Variants in GSK3B observed in about 807,000 individuals in gnomAD.
GSK3B encodes the protein glycogen synthase kinase 3 beta.
Under a neutral mutation model 56.4 loss-of-function variants are expected in GSK3B, and 15 were observed. The observed-to-expected ratio is 0.27, with a 90% CI of 0.18 to 0.41. The LOEUF is 0.41. Among genes scored for constraint, GSK3B ranks in the 10% least tolerant of loss-of-function variants. GSK3B has a pLI of 1.00. For synonymous variants in GSK3B, 181 were observed against 188.9 expected (o/e 0.96, Z 0.34); for missense variants, 300 against 513.4 (o/e 0.58, Z 4.02).
chr3:120,028,449 G>C (rs1413739576), intron 1 of GSK3B, among the ~76,000 whole-genome samples: 1 of 152,140 alleles, frequency 6.6e-6, no homozygotes, highest in Non-Finnish European at 1.5e-5. Flanking sequence ...GCCTACAAGA[G>C]ATTAAAAGGC....
chr3:119,872,787 A>G (rs1387581784), intron 8 of GSK3B, among the ~76,000 whole-genome samples: 2 of 151,980 alleles, frequency 1.3e-5, no homozygotes, highest in African/African-American at 2.4e-5. Flanking sequence ...GACACAGCAG[A>G]TAATCGCTAT....
chr3:119,897,035 A>G (rs1320303029), intron 7 of GSK3B, among the ~76,000 whole-genome samples: 1 of 152,190 alleles, frequency 6.6e-6, no homozygotes, highest in Non-Finnish European at 1.5e-5. Context: ...TTTTGAAGTG[A>G]CAATGTCATG....
chr3:120,070,692 G>A (rs1005875900), intron 1 of GSK3B, among the ~76,000 whole-genome samples: 3 of 152,190 alleles, frequency 2.0e-5, no homozygotes, highest in Non-Finnish European at 4.4e-5. Flanking sequence ...TGGAACCTGT[G>A]TTGAATAGTC....
chr3:119,829,837 A>G (rs945780956), intron 10 of GSK3B, among the ~76,000 whole-genome samples: 1 of 152,202 alleles, frequency 6.6e-6, no homozygotes, highest in Non-Finnish European at 1.5e-5. Context: ...TAATGATCTC[A>G]TATTTTTCTC....
At chr3:120,028,688 C>A (rs565793196) in intron 1 of GSK3B, 2 of 423,908 alleles carry the variant, frequency 4.7e-6, no homozygotes, top group East Asian at 1.3e-4. Flanking sequence ...AGTTCCTCCA[C>A]ACGTCTCAAA....
chr3:119,995,435 T>C (rs1008711577), intron 2 of GSK3B, among the ~76,000 whole-genome samples: 15 of 152,078 alleles, frequency 9.9e-5, no homozygotes, highest in African/African-American at 1.4e-4. Flanking sequence ...GGAAGTTCTT[T>C]ACAGTAATGG....
intron 2 of GSK3B, among the ~76,000 whole-genome samples, chr3:119,983,768 A>C (rs983344091): frequency 4.6e-5 from 7 of 152,186 alleles, no homozygotes; most frequent in African/African-American, 1.7e-4. Flanking sequence ...GGGAGACTTT[A>C]ACACCCCACT....
At chr3:120,043,266 T>C (rs1310377347) in intron 1 of GSK3B, among the ~76,000 whole-genome samples, 1 of 151,934 alleles carries the variant, frequency 6.6e-6, no homozygotes, top group African/African-American at 2.4e-5. Context: ...ACCTCCAGAG[T>C]CATGGGCCAT....
At chr3:119,834,758 C>T (rs1252537054) in intron 10 of GSK3B, among the ~76,000 whole-genome samples, 1 of 152,164 alleles carries the variant, frequency 6.6e-6, no homozygotes, top group Non-Finnish European at 1.5e-5. Context: ...GGAAAAATGT[C>T]TGATAGGGAA....
At chr3:120,021,301 C>T (rs2057874836) in intron 1 of GSK3B, among the ~76,000 whole-genome samples, 2 of 147,298 alleles carry the variant, frequency 1.4e-5, no homozygotes, top group Non-Finnish European at 3.0e-5. Flanking sequence ...ATCAGGAGTT[C>T]AAGACCAGCC....
chr3:119,847,004 G>A (rs2055864669), intron 9 of GSK3B, among the ~76,000 whole-genome samples: 1 of 152,116 alleles, frequency 6.6e-6, no homozygotes. Flanking sequence ...GGATGAAGCT[G>A]GAAACCATCA....
intron 2 of GSK3B, among the ~76,000 whole-genome samples, chr3:119,976,185 C>T (rs545368082): frequency 1.3e-5 from 2 of 152,236 alleles, no homozygotes; most frequent in Non-Finnish European, 2.9e-5. Context: ...AACTGTTAAT[C>T]ATTTAATCAC....
At chr3:119,872,510 T>C (rs143088600) in intron 8 of GSK3B, among the ~76,000 whole-genome samples, 59 of 152,268 alleles carry the variant, frequency 3.9e-4, no homozygotes, top group African/African-American at 1.0e-3. Context: ...CAGCATCACA[T>C]GTGCTTTTTA....
chr3:120,062,897 T>C (rs534518249), intron 1 of GSK3B, among the ~76,000 whole-genome samples: 6 of 152,192 alleles, frequency 3.9e-5, no homozygotes, highest in Non-Finnish European at 2.9e-5. Context: ...CCCTACTTTC[T>C]GGACTTTAGA....
intron 9 of GSK3B, among the ~76,000 whole-genome samples, chr3:119,844,366 T>TA (rs148828914): frequency 0.71 from 104,020 of 147,432 alleles, 38,156 homozygotes; most frequent in East Asian, 0.88. Flanking sequence ...AAAAAACTCT[T>TA]AAAAAAAAAA....
At chr3:119,980,852 C>T (rs1009374122) in intron 2 of GSK3B, among the ~76,000 whole-genome samples, 1 of 152,026 alleles carries the variant, frequency 6.6e-6, no homozygotes, top group African/African-American at 2.4e-5. Flanking sequence ...GAAAAAGAAT[C>T]TTATATGGTA....
intron 3 of GSK3B, among the ~76,000 whole-genome samples, chr3:119,936,323 A>G (rs1488904943): frequency 6.9e-6 from 1 of 144,082 alleles, no homozygotes; most frequent in African/African-American, 2.6e-5. Flanking sequence ...ATAAAAATAT[A>G]AATATATATA....
At position 120,093,522 on chromosome 3, in the gene GSK3B, G is replaced by A; in HGVS notation, c.-88C>T. On this transcript the variant is annotated 5_prime_UTR_variant, in exon 1 of 11. Transcript: ENST00000264235. ...TTGGGGTGTTAGGTTAACGATAAAT[G>A]CAGCATTAAGTTCTCCCACAGAAGA... 2.4e-6 allele frequency: 2 copies of A among 828,002 alleles called. No individual in the cohort carries two copies. The highest frequency in any genetic ancestry group is 4.2e-6 in the Non-Finnish European group (2 of 481,800). The allele number at this position is 828,002 out of a possible 1,614,324, so 51.3% of individuals were successfully genotyped here.
At position 120,061,732 on chromosome 3, in the gene GSK3B, T is replaced by C. The variant is rs527369161; in HGVS notation, c.88+31615A>G. Among the ~76,000 whole-genome samples the C allele has an allele frequency of 3.3e-5, 5 of 152,238 alleles. No individual in the cohort carries two copies. The East Asian group carries it at 9.6e-4, about 29-fold the overall frequency. On this transcript the variant is annotated intron_variant, in intron 1 of 10. Transcript: ENST00000264235. ...CAGAAAGAATATATGAATTTATTTA[T>C]TTATTTATTTATTTATTTTTACAGA...
Sources: gnomAD v4.1 joint callset for allele counts (sites outside exome capture counted in the v4.1 genomes callset) on GRCh38, gnomAD v4.1.1 for gene constraint, MANE v1.5 for transcripts, NCBI Gene and HGNC (gene_info 2026-07-23, HGNC 2026-07-21) for gene names.